Variants in KCNK2 observed in about 807,000 individuals in gnomAD.
KCNK2 encodes the protein potassium two pore domain channel subfamily K member 2.
A neutral mutation model predicts 40.5 loss-of-function variants in KCNK2; 21 were observed. The ratio of observed to expected loss-of-function variants is 0.52; its 90% CI spans 0.37 to 0.75. KCNK2 has a LOEUF of 0.75. KCNK2 is among the 30% of genes least tolerant of loss of function. The pLI, the probability that KCNK2 is intolerant of heterozygous loss-of-function variation, is 0.00. For synonymous variants in KCNK2, 191 were observed against 202.2 expected, an observed-to-expected ratio of 0.94 and a Z score of 0.47; for missense variants, 399 against 531.6, an observed-to-expected ratio of 0.75 and a Z score of 2.45.
At chr1:215,045,282 G>C (rs1054256091) in intron 1 of KCNK2, among the ~76,000 whole-genome samples, 1 of 151,758 alleles carries the variant, frequency 6.6e-6, no homozygotes, top group African/African-American at 2.4e-5. Flanking sequence ...TCCAAATTGT[G>C]AGGCAACAAC....
At chr1:215,154,396 T>C (rs1039670596) in intron 3 of KCNK2, among the ~76,000 whole-genome samples, 1 of 152,030 alleles carries the variant, frequency 6.6e-6, no homozygotes, top group African/African-American at 2.4e-5. Flanking sequence ...ATGTCTTCTT[T>C]TGAGAAGTGT....
intron 3 of KCNK2, among the ~76,000 whole-genome samples, chr1:215,125,548 T>C (rs1209146011): frequency 6.6e-6 from 1 of 151,576 alleles, no homozygotes; most frequent in Admixed American, 6.6e-5. Context: ...TGAGAACACT[T>C]GGACACAGGA....
intron 1 of KCNK2, among the ~76,000 whole-genome samples, chr1:215,050,767 A>G (rs867152791): frequency 9.2e-5 from 14 of 152,192 alleles, no homozygotes; most frequent in Admixed American, 2.6e-4. Flanking sequence ...TGATCATCTT[A>G]CTTAAGGTCA....
chr1:215,232,779 C>G (rs780597113), intron 6 of KCNK2, among the ~76,000 whole-genome samples: 2 of 152,118 alleles, frequency 1.3e-5, no homozygotes, highest in African/African-American at 2.4e-5. Context: ...CCCTTCTGTT[C>G]ATGAAAGACT....
intron 3 of KCNK2, among the ~76,000 whole-genome samples, chr1:215,152,440 T>C (rs1662725351): frequency 6.6e-6 from 1 of 152,278 alleles, no homozygotes; most frequent in South Asian, 2.1e-4. Flanking sequence ...AAGTGCAGTG[T>C]TTTAATGAGA....
At chr1:215,044,439 G>T (rs1307601533) in intron 1 of KCNK2, among the ~76,000 whole-genome samples, 2 of 152,048 alleles carry the variant, frequency 1.3e-5, no homozygotes, top group African/African-American at 4.8e-5. Flanking sequence ...ATGAAAGTAC[G>T]TGGGATTTTT....
chr1:215,202,704 A>T (rs931828764), intron 6 of KCNK2, among the ~76,000 whole-genome samples: 3 of 152,204 alleles, frequency 2.0e-5, no homozygotes. Flanking sequence ...ATTGTAAGTT[A>T]TTTCCCTTTT....
chr1:215,220,371 C>T (rs1666121772), intron 6 of KCNK2, among the ~76,000 whole-genome samples: 1 of 152,196 alleles, frequency 6.6e-6, no homozygotes, highest in Non-Finnish European at 1.5e-5. Context: ...ACCAGGAACC[C>T]TGCAGGGACA....
chr1:215,208,251 G>A (rs865954692), intron 6 of KCNK2, among the ~76,000 whole-genome samples: 2 of 152,056 alleles, frequency 1.3e-5, no homozygotes, highest in African/African-American at 4.8e-5. Flanking sequence ...GCAAACTAAC[G>A]CAGGAACAGA....
At chr1:215,019,569 TTCATGAATATTGAATCATA>T (rs1410114113) in intron 1 of KCNK2, among the ~76,000 whole-genome samples, 2 of 152,230 alleles carry the variant, frequency 1.3e-5, no homozygotes, top group Non-Finnish European at 2.9e-5. Context: ...ACTCATTCTG[TTCATGAATATTGAATCATA>T]TTTACAATTT....
At position 215,014,117 on chromosome 1, in the gene KCNK2, A is replaced by G. The variant is rs138673648; in HGVS notation, c.34+8162A>G. ...TTAGTTTGCTGAGAGTGTTTATTAT[A>G]GATGAGTTTCAGTTTTTTCAAATGC... On this transcript the variant is annotated intron_variant, in intron 1 of 6. Transcript: ENST00000391895. Among the ~76,000 whole-genome samples, 122 of 152,260 alleles carry G rather than the reference A, an allele frequency of 8.0e-4. 1 individual carries two copies. The highest frequency in any genetic ancestry group is 2.5e-3 in the African/African-American group (105 of 41,570).
intron 2 of KCNK2, among the ~76,000 whole-genome samples, chr1:215,099,075 C>G (rs1201747423): frequency 6.6e-6 from 1 of 151,860 alleles, no homozygotes; most frequent in Non-Finnish European, 1.5e-5. Context: ...GGTGAACTTA[C>G]ATCATGGGTG....
chr1:215,075,885 C>G (rs1255257206), intron 1 of KCNK2, among the ~76,000 whole-genome samples: 2 of 152,182 alleles, frequency 1.3e-5, no homozygotes, highest in Non-Finnish European at 2.9e-5. Context: ...GGTCCCTGCC[C>G]TAGCAGCATC....
At chr1:215,218,153 A>T (rs1038080624) in intron 6 of KCNK2, among the ~76,000 whole-genome samples, 35 of 152,196 alleles carry the variant, frequency 2.3e-4, no homozygotes, top group African/African-American at 7.2e-4. Flanking sequence ...GTCACAGTAT[A>T]GGATAATAGG....
intron 1 of KCNK2, among the ~76,000 whole-genome samples, chr1:215,055,022 A>G (rs1047427954): frequency 6.6e-6 from 1 of 152,242 alleles, no homozygotes; most frequent in Non-Finnish European, 1.5e-5. Flanking sequence ...ATTGGATCAG[A>G]TGGATTGCTT....
chr1:215,167,905 A>G (rs1401505789), intron 3 of KCNK2, among the ~76,000 whole-genome samples: 2 of 152,202 alleles, frequency 1.3e-5, no homozygotes, highest in Non-Finnish European at 2.9e-5. Flanking sequence ...TCTTCACAGC[A>G]AAAGAAACTG....
At chr1:215,089,871 G>T (rs1473436567) in intron 2 of KCNK2, among the ~76,000 whole-genome samples, 1 of 147,476 alleles carries the variant, frequency 6.8e-6, no homozygotes, top group South Asian at 2.1e-4. Context: ...TTGTTGCCCA[G>T]CCTGGAGTGC....
Position 215,207,382 on chromosome 1 carries a change from T to C in KCNK2, c.963+12290T>C, listed in dbSNP as rs564004526. On this transcript the variant is annotated intron_variant, in intron 6 of 6. Transcript: ENST00000444842. ...AATGCCTGTTGATCTGAGGTGGAAG[T>C]GTTTCATCCTGAAACCATTCCCCCA... 5.3e-5 allele frequency among the ~76,000 whole-genome samples: 8 copies of C among 152,326 alleles called. No homozygotes were observed. The South Asian group carries it at 1.7e-3, about 32-fold the overall frequency.
intron 1 of KCNK2, among the ~76,000 whole-genome samples, chr1:215,037,923 A>C (rs907338022): frequency 6.6e-6 from 1 of 151,628 alleles, no homozygotes; most frequent in African/African-American, 2.4e-5. Flanking sequence ...CTTTCTTGAG[A>C]TATCCTTTAG....
Sources: allele counts gnomAD v4.1 joint callset (sites outside exome capture counted in the v4.1 genomes callset), GRCh38; gene constraint gnomAD v4.1.1; transcripts MANE v1.5; gene names NCBI Gene and HGNC (gene_info 2026-07-23, HGNC 2026-07-21).